The following ATP2B2 variants were observed in gnomAD, a reference collection of about 807,000 sequenced individuals.
ATP2B2 encodes the protein plasma membrane calcium-transporting ATPase 2.
Under a neutral mutation model 120.0 loss-of-function variants are expected in ATP2B2, and 15 were observed. That is an observed-to-expected ratio of 0.12 (90% CI 0.08 to 0.19). The LOEUF is 0.19. Among genes scored for constraint, ATP2B2 ranks in the 10% least tolerant of loss-of-function variants. The probability of loss-of-function intolerance (pLI) is 1.00; values close to 1 mark genes in which losing one functional copy is unlikely to be tolerated. For synonymous variants in ATP2B2, 694 were observed against 700.3 expected (o/e 0.99, Z 0.14); for missense variants, 1,045 against 1,719.8 (o/e 0.61, Z 6.94).
chr3:10,683,171 T>C (rs1325673889), intron 1 of ATP2B2, among the ~76,000 whole-genome samples: 2 of 151,784 alleles, frequency 1.3e-5, no homozygotes, highest in African/African-American at 4.8e-5. Context: ...AAATTTTTTT[T>C]TTTATTTTAC....
intron 2 of ATP2B2, among the ~76,000 whole-genome samples, chr3:10,609,645 C>A (rs59615696): frequency 0.013 from 1,910 of 152,210 alleles, 33 homozygotes; most frequent in African/African-American, 0.044. Flanking sequence ...GAGGGTTAAC[C>A]CTTTAAGAGC....
At chr3:10,693,914 C>T (rs563802532) in intron 1 of ATP2B2, among the ~76,000 whole-genome samples, 1 of 152,302 alleles carries the variant, frequency 6.6e-6, no homozygotes, top group African/African-American at 2.4e-5. Flanking sequence ...GGCGTGGGAC[C>T]ATGTCTCTGT....
intron 1 of ATP2B2, among the ~76,000 whole-genome samples, chr3:10,650,404 G>A (rs1279917437): frequency 6.6e-6 from 1 of 152,214 alleles, no homozygotes; most frequent in Non-Finnish European, 1.5e-5. Context: ...AAGCAGCAAA[G>A]CATTCAAGAG....
At chr3:10,505,918 G>C (rs185761975), upstream of ATP2B2, among the ~76,000 whole-genome samples, 770 of 152,226 alleles carry the variant, frequency 5.1e-3, 6 homozygotes, top group African/African-American at 0.018. Context: ...AGAAGCAGGA[G>C]GGAATGTCAA....
chr3:10,680,359 G>T (rs1440397369), intron 1 of ATP2B2, among the ~76,000 whole-genome samples: 1 of 151,982 alleles, frequency 6.6e-6, no homozygotes, highest in Non-Finnish European at 1.5e-5. Context: ...GGCCTATGGA[G>T]GTTGTCACAG....
At chr3:10,594,120 G>A (rs954793100) in intron 2 of ATP2B2, among the ~76,000 whole-genome samples, 1 of 152,216 alleles carries the variant, frequency 6.6e-6, no homozygotes, top group African/African-American at 2.4e-5. Flanking sequence ...CTGTTGGTGG[G>A]AGTGTAAACT....
chr3:10,630,512 T>C (rs1226991530), intron 1 of ATP2B2, among the ~76,000 whole-genome samples: 1 of 152,234 alleles, frequency 6.6e-6, no homozygotes, highest in Non-Finnish European at 1.5e-5. Context: ...TTGTTCTTTT[T>C]TATGGCTTCA....
intron 3 of ATP2B2, 118 bp downstream of exon 3, chr3:10,410,500 G>T: frequency 7.6e-7 from 1 of 1,320,872 alleles, no homozygotes; most frequent in South Asian, 1.4e-5. Flanking sequence ...CCTGCCCCTT[G>T]GACCTCGGTT....
chr3:10,573,945 CCAAA>C (rs1187664250), intron 2 of ATP2B2, among the ~76,000 whole-genome samples: 2 of 152,144 alleles, frequency 1.3e-5, no homozygotes, highest in Admixed American at 6.5e-5. Context: ...TGGTCCTTCC[CCAAA>C]CATTCACTCA....
At chr3:10,546,791 A>T (rs779174868) in intron 2 of ATP2B2, among the ~76,000 whole-genome samples, 3 of 152,138 alleles carry the variant, frequency 2.0e-5, no homozygotes, top group Non-Finnish European at 4.4e-5. Flanking sequence ...CTCTTAGAGG[A>T]AGACCTCGTA....
At chr3:10,675,913 A>T (rs1350850448) in intron 1 of ATP2B2, among the ~76,000 whole-genome samples, 1 of 152,180 alleles carries the variant, frequency 6.6e-6, no homozygotes, top group African/African-American at 2.4e-5. Context: ...TTCCTCAGAG[A>T]GGTCTTCCCT....
intron 1 of ATP2B2, among the ~76,000 whole-genome samples, chr3:10,691,996 C>G (rs2071671696): frequency 6.6e-6 from 1 of 152,172 alleles, no homozygotes; most frequent in Non-Finnish European, 1.5e-5. Flanking sequence ...GACCTAGTTA[C>G]AGTTAGAAAG....
At chr3:10,391,861 C>T (rs886841832) in intron 5 of ATP2B2, among the ~76,000 whole-genome samples, 1 of 152,180 alleles carries the variant, frequency 6.6e-6, no homozygotes, top group Admixed American at 6.5e-5. Context: ...CCTTCTTGGC[C>T]CTGGACACTG....
At chr3:10,529,235 G>A (rs1024092390) in intron 3 of ATP2B2, among the ~76,000 whole-genome samples, 3 of 152,354 alleles carry the variant, frequency 2.0e-5, no homozygotes, top group Admixed American at 6.5e-5. Context: ...GGTGACCCAG[G>A]AAGAAAACCT....
intron 2 of ATP2B2, among the ~76,000 whole-genome samples, chr3:10,559,542 A>T (rs2067855659): frequency 6.6e-6 from 1 of 152,288 alleles, no homozygotes; most frequent in Non-Finnish European, 1.5e-5. Context: ...GGAAAAAAAA[A>T]ACTAGTGAAT....
rs546786804 is a variant in ATP2B2 at position 10,673,780 on chromosome 3, G to A, written c.-460+34135C>T. 2.1e-3 allele frequency among the ~76,000 whole-genome samples: 284 copies of A among 133,068 alleles called. 1 individual carries two copies. Among genetic ancestry groups the A allele is most frequent in the African/African-American group, 5.0e-3 (175 of 34,846 alleles). The allele number at this position is 133,068 out of a possible 152,430, so 87.3% of individuals were successfully genotyped here. A position where few individuals can be genotyped will look rare whatever the true frequency, so the allele number is the denominator to read the frequency against. ...CGTGATGGCACCACCGCACTCTAGC[G>A]TGGGTGACAGGGTGAGACCCTGTTT... On this transcript the variant is annotated intron_variant, in intron 1 of 21. Coordinates refer to the ATP2B2 transcript ENST00000646379.
At chr3:10,394,752 G>T (rs549460816) in intron 5 of ATP2B2, among the ~76,000 whole-genome samples, 2 of 151,828 alleles carry the variant, frequency 1.3e-5, no homozygotes, top group Non-Finnish European at 2.9e-5. Flanking sequence ...TGCTGTTAGT[G>T]CTCTGGCTGG....
chr3:10,447,692 T>C (rs2063886860), intron 2 of ATP2B2, among the ~76,000 whole-genome samples: 1 of 152,300 alleles, frequency 6.6e-6, no homozygotes, highest in South Asian at 2.1e-4. Flanking sequence ...GCACGGACCA[T>C]TCTGCCAGGG....
chr3:10,504,416 A>G (rs2066519994), intron 1 of ATP2B2, among the ~76,000 whole-genome samples: 1 of 152,156 alleles, frequency 6.6e-6, no homozygotes, highest in African/African-American at 2.4e-5. Flanking sequence ...GGCTCAGGGC[A>G]TGCAGCGTCG....
Sources: allele counts gnomAD v4.1 joint callset (sites outside exome capture counted in the v4.1 genomes callset), GRCh38; gene constraint gnomAD v4.1.1; transcripts MANE v1.5; gene names NCBI Gene and HGNC (gene_info 2026-07-23, HGNC 2026-07-21).